Variants in ADGRF5 observed in about 807,000 individuals in gnomAD.
The protein encoded by ADGRF5 is adhesion G protein-coupled receptor F5, also known as G-protein coupled receptor 116.
A neutral mutation model predicts 132.3 loss-of-function variants in ADGRF5; 75 were observed. The ratio of observed to expected loss-of-function variants is 0.57; its 90% CI spans 0.47 to 0.69. ADGRF5 has a LOEUF of 0.69. ADGRF5 is among the 30% of genes least tolerant of loss of function. The pLI, the probability that ADGRF5 is intolerant of heterozygous loss-of-function variation, is 0.00. For missense variants in ADGRF5, 1,516 were observed against 1,630.6 expected (o/e 0.93, Z 1.21); for synonymous variants, 629 against 597.6 (o/e 1.05, Z -0.77).
chr6:46,941,098 A>T (rs138354697), intron 1 of ADGRF5, among the ~76,000 whole-genome samples: 28 of 152,242 alleles, frequency 1.8e-4, no homozygotes, highest in African/African-American at 5.8e-4. Context: ...ACTTTGGAAG[A>T]TCAAGGTGGG....
At chr6:46,949,304 G>A (rs536599544) in intron 1 of ADGRF5, among the ~76,000 whole-genome samples, 2 of 152,328 alleles carry the variant, frequency 1.3e-5, no homozygotes, top group East Asian at 3.9e-4. Flanking sequence ...ACATGTGAGG[G>A]TCCAGAACTG....
At chr6:46,873,510 C>A (rs898363976) in intron 10 of ADGRF5, among the ~76,000 whole-genome samples, 3 of 152,068 alleles carry the variant, frequency 2.0e-5, no homozygotes, top group African/African-American at 7.2e-5. Flanking sequence ...TGTCTCCCGC[C>A]CCTCTTTTCT....
chr6:46,897,180 A>G (rs1255603616), intron 3 of ADGRF5, among the ~76,000 whole-genome samples: 3 of 151,902 alleles, frequency 2.0e-5, no homozygotes, highest in Admixed American at 1.3e-4. Context: ...ACACACACAT[A>G]TAAATTCAAG....
At chr6:46,867,247 G>A (rs1770556746) in intron 12 of ADGRF5, 110 bp from the exon 13 acceptor site, 1 of 648,546 alleles carries the variant, frequency 1.5e-6, no homozygotes, top group African/African-American at 1.8e-5. Context: ...CTTTAGTAAA[G>A]GAATACCACA....
At chr6:46,934,998 C>CTTTTTTT (rs56982002) in intron 1 of ADGRF5, among the ~76,000 whole-genome samples, 9 of 86,706 alleles carry the variant, frequency 1.0e-4, no homozygotes, top group Admixed American at 1.5e-4. Flanking sequence ...GGTGATAGTT[C>CTTTTTTT]TTTTTTTTTT....
intron 11 of ADGRF5, among the ~76,000 whole-genome samples, chr6:46,870,160 AT>A (rs1398688495): frequency 6.6e-6 from 1 of 151,632 alleles, no homozygotes; most frequent in East Asian, 1.9e-4. Flanking sequence ...TATTAATAAT[AT>A]TATTATTTTT....
Position 46,888,428 on chromosome 6 carries a change from G to C in ADGRF5, c.235C>G (p.Pro79Ala), listed in dbSNP as rs764232273. Reference protein sequence around the residue: ...ISFENASFLDPIKAYLNSLSF... With the variant: ...ISFENASFLDAIKAYLNSLSF... Reference sequence around the variant, plus strand: ...AGGCTGTTCAAGTAGGCTTTGATAGGATCCAGGAAGGATGCATTTTCAAAA... The same window carrying C: ...AGGCTGTTCAAGTAGGCTTTGATAGCATCCAGGAAGGATGCATTTTCAAAA... Residue 79 changes from proline (P) to alanine (A), a missense_variant, in exon 4 of 21, where the codon CCT becomes GCT. By Grantham distance (27) the Pro-to-Ala change is conservative. Coordinates refer to ENST00000283296, the MANE Select transcript of ADGRF5 (RefSeq NM_001098518.2). 6 of 1,610,114 alleles carry C rather than the reference G, an allele frequency of 3.7e-6. No homozygotes were observed. The highest frequency in any genetic ancestry group is 5.1e-6 in the Non-Finnish European group (6 of 1,176,472).
At chr6:46,937,221 A>AGTGTGTGTGTGTGTGTGTGT (rs10558166) in intron 1 of ADGRF5, among the ~76,000 whole-genome samples, 9 of 146,800 alleles carry the variant, frequency 6.1e-5, no homozygotes, top group African/African-American at 2.3e-4. Flanking sequence ...GGCAATAAGG[A>AGTGTGTGTGTGTGTGTGTGT]GTGTGTGTGT....
chr6:46,936,630 G>T (rs1777842211), intron 1 of ADGRF5, among the ~76,000 whole-genome samples: 1 of 152,194 alleles, frequency 6.6e-6, no homozygotes, highest in Non-Finnish European at 1.5e-5. Context: ...GGGATAAGAA[G>T]TAATGAAAAC....
Position 46,853,961 on chromosome 6 carries a change from G to T in ADGRF5, c.*31C>A. On this transcript the variant is annotated 3_prime_UTR_variant, in exon 21 of 21. Transcript: ENST00000283296. ...TTTTAAAAGCACAGCCACTGTCCCC[G>T]GGAGGTCACGTAGGTTGGATTATCC... 1 of 1,450,222 alleles carries T rather than the reference G, an allele frequency of 6.9e-7. No homozygotes were observed. Among genetic ancestry groups the T allele is most frequent in the Non-Finnish European group, 9.6e-7 (1 of 1,044,644 alleles). 89.8% of individuals were successfully genotyped at this position (1,450,222 alleles called of 1,614,324 possible). A position where few individuals can be genotyped will look rare whatever the true frequency, so the allele number is the denominator to read the frequency against.
chr6:46,874,666 C>T (rs1771442488), intron 10 of ADGRF5, among the ~76,000 whole-genome samples: 1 of 152,106 alleles, frequency 6.6e-6, no homozygotes, highest in Non-Finnish European at 1.5e-5. Context: ...AATCCATACT[C>T]CTTGGAAAAC....
rs575501154 is a variant in ADGRF5, at chr6:46,899,977, A to G, written c.157+52T>C. The G allele has an allele frequency of 3.2e-6, 4 of 1,252,314 alleles. No individual in the cohort carries two copies. The East Asian group carries it at 6.9e-5, about 22-fold the overall frequency. 77.6% of individuals were successfully genotyped at this position (1,252,314 alleles called of 1,614,324 possible). On this transcript the variant is annotated intron_variant, in intron 3 of 20. Transcript: ENST00000283296. ...ACAATGTTTTAAAAAGTTGCAACAC[A>G]TACCATTTGAGTCAACTTATAAAAG...
At chr6:46,906,079 C>G (rs1486374126) in intron 2 of ADGRF5, among the ~76,000 whole-genome samples, 1 of 152,148 alleles carries the variant, frequency 6.6e-6, no homozygotes, top group Non-Finnish European at 1.5e-5. Flanking sequence ...TAAGGGGGTA[C>G]TTATCCCTCC....
chr6:46,926,736 G>A (rs1277368151), upstream of ADGRF5, among the ~76,000 whole-genome samples: 4 of 152,078 alleles, frequency 2.6e-5, no homozygotes, highest in East Asian at 1.9e-4. Flanking sequence ...CAGAATCATC[G>A]ACTTGTCATT....
chr6:46,892,789 A>T (rs1444615953), intron 3 of ADGRF5, among the ~76,000 whole-genome samples: 1 of 152,146 alleles, frequency 6.6e-6, no homozygotes, highest in Non-Finnish European at 1.5e-5. Context: ...GGAAAAATGC[A>T]TTGTGACCCA....
upstream of ADGRF5, chr6:46,921,963 T>C: frequency 6.6e-6 from 1 of 152,210 alleles, no homozygotes; most frequent in Non-Finnish European, 1.5e-5. Context: ...CGCTGCTGTT[T>C]TAAAAACAAA....
rs555973582 is a variant in ADGRF5, at chr6:46,954,416, T to C, written c.-25+318A>G. ...AAAAAGAAAAGGCAGTTAGTAAAAA[T>C]TACCCCTTATGCAGAAGCCAAAAAA... On this transcript the variant is annotated intron_variant, in intron 1 of 20. Coordinates refer to the ADGRF5 transcript ENST00000265417. 2.0e-5 allele frequency among the ~76,000 whole-genome samples: 3 copies of C among 149,688 alleles called. No individual in the cohort carries two copies. The South Asian group carries it at 6.3e-4, about 31-fold the overall frequency.
chr6:46,854,100 G>A (rs1007007834), intron 20 of ADGRF5, 29 bp from the exon 21 acceptor site: 1 of 1,521,882 alleles, frequency 6.6e-7, no homozygotes. Context: ...ACTCAGCCTT[G>A]AAGACAAGCC....
chr6:46,913,140 G>A (rs1351876610), intron 1 of ADGRF5, among the ~76,000 whole-genome samples: 2 of 152,198 alleles, frequency 1.3e-5, no homozygotes, highest in Non-Finnish European at 1.5e-5. Context: ...AATGAAACCA[G>A]AGAGGCAGGA....
Sources: gnomAD v4.1 joint callset for allele counts (sites outside exome capture counted in the v4.1 genomes callset) on GRCh38, gnomAD v4.1.1 for gene constraint, MANE v1.5 for transcripts, NCBI Gene and HGNC (gene_info 2026-07-23, HGNC 2026-07-21) for gene names.